The following ANO3 variants were observed in gnomAD, a reference collection of about 807,000 sequenced individuals.
The protein encoded by ANO3 is anoctamin 3.
Under a neutral mutation model 144.8 loss-of-function variants are expected in ANO3, and 99 were observed. That is an observed-to-expected ratio of 0.68 (90% confidence interval 0.58 to 0.81). The LOEUF (loss-of-function observed/expected upper bound fraction) is 0.81, where lower values mean the gene tolerates loss of function less well. Ranked by LOEUF, ANO3 falls within the 30% of genes least tolerant of loss-of-function variation. The pLI is 0.00. For synonymous variants in ANO3, 414 were observed against 392.6 expected (o/e 1.05, Z -0.64); for missense variants, 905 against 1,202.2 (o/e 0.75, Z 3.66).
upstream of ANO3, among the ~76,000 whole-genome samples, chr11:26,329,941 T>G (rs1457219003): frequency 6.6e-6 from 1 of 151,800 alleles, no homozygotes; most frequent in African/African-American, 2.4e-5. Context: ...GCCTCCTGAG[T>G]AGCTGGGACT....
chr11:26,372,357 A>T (rs1254602144), intron 1 of ANO3, among the ~76,000 whole-genome samples: 4 of 152,226 alleles, frequency 2.6e-5, no homozygotes, highest in African/African-American at 9.6e-5. Context: ...TCTTTGCTTT[A>T]TGACATATCC....
intron 1 of ANO3, among the ~76,000 whole-genome samples, chr11:26,194,489 T>TGTGTGTGTGTGTG (rs772353732): frequency 4.7e-4 from 69 of 146,878 alleles, no homozygotes; most frequent in African/African-American, 1.4e-3. Flanking sequence ...TGTGTGTGTA[T>TGTGTGTGTGTGTG]TATTTATTTA....
chr11:26,438,234 ATATAAAGGAAAGTTTT>A lies in ANO3; in HGVS notation c.47-3681_47-3666del, dbSNP rs1292849116. ...GGGAGCTAACCAATATGCAAAACTTATATAAAGGAAAGTTTTTAAAACACCTGACCAAAAGCATGAA... is the reference window on the plus strand; with the variant it reads ...GGGAGCTAACCAATATGCAAAACTTATAAAACACCTGACCAAAAGCATGAA... On this transcript the variant is annotated intron_variant, in intron 1 of 26. Coordinates refer to ENST00000256737, the MANE Select transcript of ANO3 (RefSeq NM_031418.4). Among the ~76,000 whole-genome samples, 9 of 152,312 alleles carry A rather than the reference ATATAAAGGAAAGTTTT, an allele frequency of 5.9e-5. No individual in the cohort carries two copies. The East Asian group carries it at 1.7e-3, about 29-fold the overall frequency.
chr11:26,191,041 A>G (rs1384112662), intron 1 of ANO3, among the ~76,000 whole-genome samples: 1 of 152,178 alleles, frequency 6.6e-6, no homozygotes, highest in African/African-American at 2.4e-5. Flanking sequence ...ATGTCTCACA[A>G]TAAAACATTC....
At chr11:26,214,849 A>G (rs976237005) in intron 1 of ANO3, among the ~76,000 whole-genome samples, 3 of 151,910 alleles carry the variant, frequency 2.0e-5, no homozygotes, top group Non-Finnish European at 4.4e-5. Context: ...AGTTGCCATG[A>G]TTCTCTTGGC....
At chr11:26,237,789 A>G (rs185531679) in intron 1 of ANO3, among the ~76,000 whole-genome samples, 4 of 152,222 alleles carry the variant, frequency 2.6e-5, no homozygotes. Flanking sequence ...AAATTTAGGT[A>G]CCAGTCCCTA....
chr11:26,387,185 G>T (rs1856758640), intron 1 of ANO3, among the ~76,000 whole-genome samples: 2 of 146,588 alleles, frequency 1.4e-5, no homozygotes, highest in South Asian at 4.3e-4. Flanking sequence ...TGTTGGCCAG[G>T]CTGGTCTGGA....
chr11:26,217,249 G>A (rs770153072), intron 1 of ANO3, among the ~76,000 whole-genome samples: 2 of 151,972 alleles, frequency 1.3e-5, no homozygotes, highest in African/African-American at 4.8e-5. Flanking sequence ...CAAAGATAAG[G>A]TCTGTGTCTA....
chr11:26,204,814 G>A (rs972642140), intron 1 of ANO3, among the ~76,000 whole-genome samples: 1 of 152,164 alleles, frequency 6.6e-6, no homozygotes, highest in Non-Finnish European at 1.5e-5. Context: ...GGAATCAGAT[G>A]TGTGCTTCAT....
chr11:26,467,936 G>C (rs1859657035), intron 4 of ANO3, among the ~76,000 whole-genome samples: 1 of 151,870 alleles, frequency 6.6e-6, no homozygotes, highest in African/African-American at 2.4e-5. Flanking sequence ...CAAAGTTCTA[G>C]AGCAAATGAG....
chr11:26,476,635 C>G (rs1439832277), intron 4 of ANO3, among the ~76,000 whole-genome samples: 4 of 150,434 alleles, frequency 2.7e-5, no homozygotes. Flanking sequence ...TCACTCTGCC[C>G]CTTTGGGTGG....
chr11:26,245,637 T>G (rs1852773850), intron 1 of ANO3, among the ~76,000 whole-genome samples: 1 of 152,220 alleles, frequency 6.6e-6, no homozygotes, highest in African/African-American at 2.4e-5. Context: ...ACGTTTCCTT[T>G]TATTTCTGAT....
intron 1 of ANO3, among the ~76,000 whole-genome samples, chr11:26,205,226 G>A (rs1851774185): frequency 6.6e-6 from 1 of 152,158 alleles, no homozygotes; most frequent in African/African-American, 2.4e-5. Flanking sequence ...TGGGGACACA[G>A]AGCCGAACCA....
intron 26 of ANO3, among the ~76,000 whole-genome samples, chr11:26,659,079 TACAC>T (rs145583088): frequency 1.4e-5 from 2 of 147,618 alleles, no homozygotes; most frequent in Admixed American, 6.8e-5. Flanking sequence ...CCTTGAGCCA[TACAC>T]ACACACACAC....
chr11:26,456,336 G>A (rs1242746985), intron 3 of ANO3, among the ~76,000 whole-genome samples: 1 of 152,118 alleles, frequency 6.6e-6, no homozygotes, highest in East Asian at 1.9e-4. Context: ...CTGACAAAGG[G>A]CTAATATCCA....
chr11:26,226,793 TA>T (rs1297975610), intron 1 of ANO3, among the ~76,000 whole-genome samples: 1 of 152,170 alleles, frequency 6.6e-6, no homozygotes, highest in Non-Finnish European at 1.5e-5. Context: ...AAAATACACG[TA>T]ACATTTTCCA....
chr11:26,266,595 C>T (rs1202904164), intron 1 of ANO3, among the ~76,000 whole-genome samples: 1 of 151,452 alleles, frequency 6.6e-6, no homozygotes, highest in Non-Finnish European at 1.5e-5. Flanking sequence ...CACCAAACCC[C>T]GGCTAATTTT....
At chr11:26,223,079 A>G (rs530758609) in intron 1 of ANO3, among the ~76,000 whole-genome samples, 1 of 151,642 alleles carries the variant, frequency 6.6e-6, no homozygotes, top group Admixed American at 6.6e-5. Context: ...TAGGCTGTAA[A>G]TTTTCCAGGC....
chr11:26,461,096 C>CAG (rs201616424), intron 3 of ANO3, among the ~76,000 whole-genome samples: 22 of 150,722 alleles, frequency 1.5e-4, no homozygotes, highest in African/African-American at 5.4e-4. Context: ...AAGACAGGGA[C>CAG]AGAGAGAGAG....
Sources: gnomAD v4.1 joint callset for allele counts (sites outside exome capture counted in the v4.1 genomes callset) on GRCh38, gnomAD v4.1.1 for gene constraint, MANE v1.5 for transcripts, NCBI Gene and HGNC (gene_info 2026-07-23, HGNC 2026-07-21) for gene names.